FLNB: variants seen among roughly 807,000 people sequenced by gnomAD.
FLNB encodes filamin B.
FLNB carries 111 observed loss-of-function variants against 250.6 expected under a neutral mutation model. That is an observed-to-expected ratio of 0.44 (90% CI 0.38 to 0.52). The LOEUF is 0.52. Among genes scored for constraint, FLNB ranks in the 20% least tolerant of loss-of-function variants. The pLI is 0.00. For missense variants in FLNB, 2,869 were observed against 3,447.8 expected, an observed-to-expected ratio of 0.83 and a Z score of 4.20; for synonymous variants, 1,302 against 1,372.1, an observed-to-expected ratio of 0.95 and a Z score of 1.13.
chr3:58,012,160 G>A (rs556315052), intron 1 of FLNB, among the ~76,000 whole-genome samples: 96 of 149,034 alleles, frequency 6.4e-4, no homozygotes, highest in African/African-American at 2.3e-3. Flanking sequence ...GCAGTGAGCC[G>A]AGGTCTTTGT....
At chr3:58,119,732 C>T (rs2097285224) in intron 19 of FLNB, among the ~76,000 whole-genome samples, 1 of 152,052 alleles carries the variant, frequency 6.6e-6, no homozygotes, top group Non-Finnish European at 1.5e-5. Flanking sequence ...GGGATAATTC[C>T]ACTTTAACCC....
intron 4 of FLNB, among the ~76,000 whole-genome samples, chr3:58,085,688 C>G (rs1427874154): frequency 6.6e-6 from 1 of 152,136 alleles, no homozygotes; most frequent in Admixed American, 6.6e-5. Flanking sequence ...CGTCCATGAG[C>G]TAATCAGAAA....
intron 4 of FLNB, 121 bp downstream of exon 4, chr3:58,081,897 C>T (rs1164402236): frequency 1.1e-5 from 11 of 1,022,304 alleles, no homozygotes; most frequent in South Asian, 6.5e-5. Flanking sequence ...CTCAAAGAGA[C>T]CCCAAGCCTC....
In FLNB at chr3:58,044,440, C is replaced by A. The variant is rs865979857; in HGVS notation, c.293-32606C>A. 1.5e-4 allele frequency among the ~76,000 whole-genome samples: 22 copies of A among 151,488 alleles called. 1 individual carries two copies. In the South Asian group the frequency reaches 3.4e-3, roughly 23 times the overall value. On this transcript the variant is annotated intron_variant, in intron 1 of 45. Transcript: ENST00000295956. ...AAAGAGACCCTGTCTCTACAAAAAACAAACAAACAAACAAACCAAAAAAAC... is the reference window on the plus strand; with the variant it reads ...AAAGAGACCCTGTCTCTACAAAAAAAAAACAAACAAACAAACCAAAAAAAC...
chr3:58,017,054 T>G (rs1333161702), intron 1 of FLNB, among the ~76,000 whole-genome samples: 1 of 152,202 alleles, frequency 6.6e-6, no homozygotes, highest in Admixed American at 6.5e-5. Context: ...GGTGCCTAAC[T>G]AACTTTTCAT....
At chr3:58,096,323 T>G in intron 6 of FLNB, 105 bp downstream of exon 6, 1 of 840,836 alleles carries the variant, frequency 1.2e-6, no homozygotes, top group Non-Finnish European at 2.0e-6. Flanking sequence ...CTGATTTTCC[T>G]TTCTGATTAT....
intron 1 of FLNB, among the ~76,000 whole-genome samples, chr3:58,069,536 C>T (rs77043875): frequency 0.14 from 20,746 of 152,112 alleles, 1,640 homozygotes; most frequent in East Asian, 0.29. Flanking sequence ...CCACCATGCC[C>T]GGCCCATAGT....
intron 1 of FLNB, among the ~76,000 whole-genome samples, chr3:58,066,217 CTTTT>C (rs754973485): frequency 1.4e-5 from 2 of 138,266 alleles, no homozygotes; most frequent in Non-Finnish European, 1.6e-5. Flanking sequence ...TTCTTTTTTT[CTTTT>C]TTTTTTTTTT....
In FLNB at chr3:58,153,470, G is replaced by A. The variant is rs371871707; in HGVS notation, c.6463G>A (p.Val2155Ile). Residue 2155 changes from valine to isoleucine, a missense_variant, in exon 39 of 46, where the codon GTC becomes ATC. Physicochemically the swap from Val to Ile is conservative, Grantham distance 29. Coordinates refer to ENST00000295956, the MANE Select transcript of FLNB (RefSeq NM_001457.4). ...IVPMGKNSHC[V>I]RFVPQEMGVH... Reference sequence around the variant, plus strand: ...GCCCATGGGGAAGAACTCACACTGCGTCCGGTTTGTGCCCCAGGAGATGGG... The same window carrying A: ...GCCCATGGGGAAGAACTCACACTGCATCCGGTTTGTGCCCCAGGAGATGGG... 29 of 1,614,118 alleles carry A rather than the reference G, an allele frequency of 1.8e-5. No individual in the cohort carries two copies. Among genetic ancestry groups the A allele is most frequent in the African/African-American group, 1.3e-4 (10 of 74,952 alleles).
In FLNB at chr3:58,106,704, A is replaced by C; in HGVS notation, c.1772A>C (p.Gln591Pro). 1 of 1,614,186 alleles carries C rather than the reference A, an allele frequency of 6.2e-7. No homozygotes were observed. The highest frequency in any genetic ancestry group is 1.1e-5 in the South Asian group (1 of 91,082). Reference sequence around the variant, plus strand: ...GGGTTTGCCATTGAAGGCCCCTCTCAGGCAAAGATTGAGTACAACGACCAG... The same window carrying C: ...GGGTTTGCCATTGAAGGCCCCTCTCCGGCAAAGATTGAGTACAACGACCAG... ...SLGFAIEGPS[Q>P]AKIEYNDQND... Residue 591 changes from glutamine to proline, a missense_variant, in exon 12 of 46, where the codon CAG becomes CCG. Around this residue, in one of 5 missense-constraint regions of FLNB, gnomAD observed 1,348 missense variants for 1,466.7 expected, o/e 0.92. Coordinates refer to ENST00000295956, the MANE Select transcript of FLNB (RefSeq NM_001457.4).
intron 27 of FLNB, 81 bp from the exon 28 acceptor site, chr3:58,135,898 T>C: frequency 2.8e-6 from 4 of 1,407,444 alleles, no homozygotes; most frequent in Admixed American, 1.9e-5. Flanking sequence ...GAGGCACTAA[T>C]TGGAAAATAT....
Position 58,130,778 on chromosome 3 carries a change from C to A in FLNB, c.4260C>A (p.Asp1420Glu), listed in dbSNP as rs2097306059. The change falls in exon 25 of 46, where the codon GAC (aspartate) becomes GAA (glutamate). Residue 1420 changes from aspartate to glutamate, a missense_variant. Asp to Glu is a conservative substitution (Grantham distance 45). Coordinates refer to ENST00000295956, the MANE Select transcript of FLNB (RefSeq NM_001457.4). ...GGGTTCCTGTGAAGGATGTTGTGGA[C>A]CCCAGCAAGGTCAAGATTGCCGGCC... ...PFRVPVKDVVDPSKVKIAGPG... is the reference protein window; with the variant it reads ...PFRVPVKDVVEPSKVKIAGPG... 1 of 1,613,926 alleles carries A rather than the reference C, an allele frequency of 6.2e-7. No homozygotes were observed. Among genetic ancestry groups the A allele is most frequent in the Non-Finnish European group, 8.5e-7 (1 of 1,179,954 alleles).
rs2097093481 is a variant in FLNB at position 58,008,438 on chromosome 3, T to C, written c.-127T>C. On this transcript the variant is annotated 5_prime_UTR_variant, in exon 1 of 46. Transcript: ENST00000295956. ...GGCGGCCGCAGAGCAGCACCGGCCGTGGCTCCGGTAGCAGCAAGTTCGAAC... is the reference window on the plus strand; with the variant it reads ...GGCGGCCGCAGAGCAGCACCGGCCGCGGCTCCGGTAGCAGCAAGTTCGAAC... 8.7e-7 allele frequency: 1 copy of C among 1,153,994 alleles called. No individual in the cohort carries two copies. The highest frequency in any genetic ancestry group is 1.5e-5 in the African/African-American group (1 of 65,508). 71.5% of individuals were successfully genotyped at this position (1,153,994 alleles called of 1,614,324 possible).
intron 18 of FLNB, 59 bp from the exon 19 acceptor site, chr3:58,118,813 A>T: frequency 7.8e-7 from 1 of 1,277,582 alleles, no homozygotes; most frequent in Non-Finnish European, 1.1e-6. Context: ...AGGGGATTTT[A>T]AATGCCAAGT....
At chr3:58,123,796 A>ACATATAAGG in intron 21 of FLNB, 106 bp downstream of exon 21, 1 of 952,794 alleles carries the variant, frequency 1.0e-6, no homozygotes, top group Non-Finnish European at 1.6e-6. Context: ...GAGCCAGGTG[A>ACATATAAGG]CATATAAGGC....
At chr3:58,127,284 C>A (rs1182426658) in intron 24 of FLNB, among the ~76,000 whole-genome samples, 1 of 151,418 alleles carries the variant, frequency 6.6e-6, no homozygotes, top group African/African-American at 2.4e-5. Flanking sequence ...TGAGATTGCG[C>A]CACTGCGCTC....
chr3:58,096,033 A>G (rs1017356905), intron 5 of FLNB, 108 bp from the exon 6 acceptor site: 11 of 820,652 alleles, frequency 1.3e-5, no homozygotes, highest in African/African-American at 6.7e-5. Flanking sequence ...GCTCGCCAGC[A>G]CCTTCAGTGT....
chr3:58,072,869 C>T (rs1477940726), intron 1 of FLNB, among the ~76,000 whole-genome samples: 2 of 152,098 alleles, frequency 1.3e-5, no homozygotes, highest in African/African-American at 2.4e-5. Flanking sequence ...AAAATCTTTT[C>T]GAAAAAGACT....
chr3:58,050,631 A>T (rs764576937), intron 1 of FLNB, among the ~76,000 whole-genome samples: 1 of 152,306 alleles, frequency 6.6e-6, no homozygotes, highest in South Asian at 2.1e-4. Flanking sequence ...GTGAGGACTC[A>T]TGGGTGAGCA....
Sources: gnomAD v4.1 joint callset for allele counts (sites outside exome capture counted in the v4.1 genomes callset) on GRCh38, gnomAD v4.1.1 for gene constraint, gnomAD v4.1.1 regional missense constraint, MANE v1.5 for transcripts, NCBI Gene and HGNC (gene_info 2026-07-23, HGNC 2026-07-21) for gene names.